NPAS3: variants seen among roughly 807,000 people sequenced by gnomAD.
NPAS3 encodes the protein neuronal PAS domain protein 3, also known as neuronal PAS domain-containing protein 3.
Under a neutral mutation model 73.1 loss-of-function variants are expected in NPAS3, and 14 were observed. The observed-to-expected ratio is 0.19, with a 90% CI of 0.13 to 0.30. NPAS3 has a LOEUF of 0.30. Ranked by LOEUF, NPAS3 falls within the 10% of genes least tolerant of loss-of-function variation. The pLI, the probability that NPAS3 is intolerant of heterozygous loss-of-function variation, is 1.00. For missense variants in NPAS3, 1,096 were observed against 1,250.0 expected (o/e 0.88, Z 1.86); for synonymous variants, 620 against 541.5 (o/e 1.14, Z -2.01).
At chr14:33,522,588 G>T (rs1040117535) in intron 4 of NPAS3, among the ~76,000 whole-genome samples, 3 of 152,086 alleles carry the variant, frequency 2.0e-5, no homozygotes, top group Non-Finnish European at 2.9e-5. Flanking sequence ...TAAGATCAAG[G>T]TGGGAAACAA....
intron 3 of NPAS3, among the ~76,000 whole-genome samples, chr14:33,362,517 A>G (rs2045649219): frequency 6.6e-6 from 1 of 152,124 alleles, no homozygotes; most frequent in African/African-American, 2.4e-5. Context: ...AGCATTCCAT[A>G]TTCCATTCTT....
chr14:33,489,185 G>A (rs1465563053), intron 4 of NPAS3, among the ~76,000 whole-genome samples: 1 of 152,094 alleles, frequency 6.6e-6, no homozygotes, highest in Admixed American at 6.6e-5. Context: ...ATTGAATTTA[G>A]TAAATTGACA....
chr14:33,402,532 G>A lies in NPAS3; in HGVS notation c.468+35264G>A, dbSNP rs371961612. ...GGCTGGCAGGCCTGAAGAGTCACCA[G>A]CAGGCTCTCCTGTGAGCTGAGAACA... On this transcript the variant is annotated intron_variant, in intron 4 of 11. Coordinates refer to ENST00000356141, the Ensembl canonical transcript of NPAS3. Among the ~76,000 whole-genome samples, 31 of 152,192 alleles carry A rather than the reference G, an allele frequency of 2.0e-4. No individual in the cohort carries two copies. In the East Asian group the frequency reaches 2.9e-3, roughly 14 times the overall value.
chr14:33,388,734 A>T (rs2046878106), intron 4 of NPAS3, among the ~76,000 whole-genome samples: 1 of 151,912 alleles, frequency 6.6e-6, no homozygotes, highest in Non-Finnish European at 1.5e-5. Context: ...AAGCTAAGGA[A>T]CTTATTCAAA....
intron 2 of NPAS3, among the ~76,000 whole-genome samples, chr14:33,207,151 C>G (rs2046850038): frequency 6.6e-6 from 1 of 151,674 alleles, no homozygotes; most frequent in Non-Finnish European, 1.5e-5. Context: ...AGCCTGCAAC[C>G]CAGATTCTTG....
At chr14:33,203,199 G>A (rs899919573) in intron 2 of NPAS3, among the ~76,000 whole-genome samples, 2 of 152,210 alleles carry the variant, frequency 1.3e-5, no homozygotes, top group Non-Finnish European at 2.9e-5. Context: ...TTGAAGGCAA[G>A]GCATGCATGA....
chr14:33,789,620 G>A (rs535197820), intron 9 of NPAS3, among the ~76,000 whole-genome samples: 13 of 114,862 alleles, frequency 1.1e-4, no homozygotes, highest in Admixed American at 6.1e-4. Context: ...ACGGAGTCTC[G>A]CTCTGTCGCC....
chr14:33,619,202 C>A (rs1169862044), intron 5 of NPAS3, among the ~76,000 whole-genome samples: 1 of 152,062 alleles, frequency 6.6e-6, no homozygotes, highest in African/African-American at 2.4e-5. Flanking sequence ...TCTAACATTT[C>A]TGTGATTTTA....
At chr14:33,249,522 A>G (rs1305345582) in intron 3 of NPAS3, among the ~76,000 whole-genome samples, 1 of 152,144 alleles carries the variant, frequency 6.6e-6, no homozygotes, top group Non-Finnish European at 1.5e-5. Context: ...TCAAAGGAGC[A>G]GCTGCCTCTG....
At chr14:33,230,890 T>C (rs2047826034) in intron 3 of NPAS3, among the ~76,000 whole-genome samples, 1 of 152,184 alleles carries the variant, frequency 6.6e-6, no homozygotes, top group African/African-American at 2.4e-5. Flanking sequence ...ATTTTCTCTG[T>C]CCCCTGAAAC....
intron 4 of NPAS3, among the ~76,000 whole-genome samples, chr14:33,520,911 C>T (rs2053527036): frequency 6.6e-6 from 1 of 152,116 alleles, no homozygotes; most frequent in Admixed American, 6.6e-5. Flanking sequence ...TTACCCTTGA[C>T]AAAACAAGCA....
intron 7 of NPAS3, among the ~76,000 whole-genome samples, chr14:33,772,401 T>G (rs1437054849): frequency 6.6e-6 from 1 of 152,170 alleles, no homozygotes; most frequent in Non-Finnish European, 1.5e-5. Flanking sequence ...AAGCTGGAGA[T>G]CAGAGGCCAG....
chr14:33,567,287 C>T (rs936746737), intron 5 of NPAS3, among the ~76,000 whole-genome samples: 2 of 152,200 alleles, frequency 1.3e-5, no homozygotes, highest in Non-Finnish European at 2.9e-5. Flanking sequence ...GTGAACAAGA[C>T]GTGCTTCCTT....
At chr14:33,275,911 C>T (rs891822722) in intron 3 of NPAS3, among the ~76,000 whole-genome samples, 2 of 152,184 alleles carry the variant, frequency 1.3e-5, no homozygotes, top group African/African-American at 2.4e-5. Context: ...AATATATGCT[C>T]TATAACTTTT....
At chr14:33,199,224 G>A (rs895414546) in intron 2 of NPAS3, among the ~76,000 whole-genome samples, 3 of 152,210 alleles carry the variant, frequency 2.0e-5, no homozygotes, top group Non-Finnish European at 4.4e-5. Flanking sequence ...CCTCAAGCGT[G>A]GCCAGAGCAG....
At chr14:33,646,407 G>A (rs1331811843) in intron 5 of NPAS3, among the ~76,000 whole-genome samples, 1 of 151,848 alleles carries the variant, frequency 6.6e-6, no homozygotes, top group Non-Finnish European at 1.5e-5. Context: ...GTGTATATTT[G>A]CCATTATTTT....
chr14:33,334,200 C>CT (rs2044111456), intron 3 of NPAS3, among the ~76,000 whole-genome samples: 1 of 152,038 alleles, frequency 6.6e-6, no homozygotes, highest in Non-Finnish European at 1.5e-5. Context: ...ATTATGACCT[C>CT]TTTTTTCACT....
chr14:33,573,681 G>C (rs1279158327), intron 5 of NPAS3, among the ~76,000 whole-genome samples: 1 of 152,208 alleles, frequency 6.6e-6, no homozygotes, highest in African/African-American at 2.4e-5. Context: ...GGGTGTCAGA[G>C]TAAGCTAAGG....
chr14:32,944,477 A>G (rs1026120720), intron 1 of NPAS3, among the ~76,000 whole-genome samples: 4 of 152,240 alleles, frequency 2.6e-5, no homozygotes, highest in East Asian at 1.9e-4. Context: ...AAATATATCT[A>G]TGATTAGTAA....
Sources: gnomAD v4.1 joint callset for allele counts (sites outside exome capture counted in the v4.1 genomes callset) on GRCh38, gnomAD v4.1.1 for gene constraint, MANE v1.5 for transcripts, NCBI Gene and HGNC (gene_info 2026-07-23, HGNC 2026-07-21) for gene names.